Variants in LDLRAD3 observed in about 807,000 individuals in gnomAD.
LDLRAD3 encodes low density lipoprotein receptor class A domain containing 3.
A neutral mutation model predicts 29.4 loss-of-function variants in LDLRAD3; 20 were observed. The observed-to-expected ratio is 0.68, with a 90% CI of 0.48 to 0.99. The LOEUF is 0.99. LDLRAD3 is among the 50% of genes least tolerant of loss of function. The pLI is 0.00. For missense variants in LDLRAD3, 420 were observed against 454.3 expected, an observed-to-expected ratio of 0.92 and a Z score of 0.69; for synonymous variants, 157 against 192.7, an observed-to-expected ratio of 0.81 and a Z score of 1.53.
At chr11:36,073,144 T>C (rs1335277049) in intron 2 of LDLRAD3, among the ~76,000 whole-genome samples, 1 of 152,230 alleles carries the variant, frequency 6.6e-6, no homozygotes, top group African/African-American at 2.4e-5. Flanking sequence ...TAGTCTTTCC[T>C]CCACTCTCAT....
chr11:36,063,160 C>G (rs935629847), intron 2 of LDLRAD3, among the ~76,000 whole-genome samples: 4 of 152,052 alleles, frequency 2.6e-5, no homozygotes, highest in Non-Finnish European at 5.9e-5. Context: ...TTATCCACAC[C>G]CACCCCACTA....
intron 4 of LDLRAD3, among the ~76,000 whole-genome samples, chr11:36,226,267 A>G (rs1855497531): frequency 1.3e-5 from 2 of 152,256 alleles, no homozygotes; most frequent in South Asian, 4.1e-4. Context: ...TCCAAAGGGC[A>G]CACAGCAAGC....
At chr11:35,958,444 T>C (rs763770193) in intron 1 of LDLRAD3, among the ~76,000 whole-genome samples, 14 of 152,164 alleles carry the variant, frequency 9.2e-5, no homozygotes, top group Non-Finnish European at 2.1e-4. Flanking sequence ...GCACTTCATT[T>C]CTTTATTTTC....
At chr11:36,189,945 A>G (rs1385046513) in intron 4 of LDLRAD3, among the ~76,000 whole-genome samples, 3 of 152,102 alleles carry the variant, frequency 2.0e-5, no homozygotes, top group Non-Finnish European at 2.9e-5. Context: ...TCCATGGTGT[A>G]TATGTGCCAC....
intron 1 of LDLRAD3, among the ~76,000 whole-genome samples, chr11:36,007,167 T>C (rs539611540): frequency 2.0e-4 from 31 of 152,336 alleles, no homozygotes; most frequent in African/African-American, 6.7e-4. Flanking sequence ...CTCATAGCTT[T>C]CCAGAAAGCT....
intron 1 of LDLRAD3, among the ~76,000 whole-genome samples, chr11:35,991,867 T>TTGTGTGTGTGTGTGTGTGTGTGTGTGTG (rs33941156): frequency 1.8e-4 from 15 of 82,684 alleles, no homozygotes; most frequent in Non-Finnish European, 2.5e-4. Flanking sequence ...GAATGGTTGT[T>TTGTGTGTGTGTGTGTGTGTGTGTGTGTG]TGTGTGTGTG....
At chr11:36,040,575 C>T (rs1009218600) in intron 2 of LDLRAD3, among the ~76,000 whole-genome samples, 34 of 152,146 alleles carry the variant, frequency 2.2e-4, no homozygotes, top group African/African-American at 8.2e-4. Context: ...TTTATTTACA[C>T]ATAATTTGGC....
At chr11:35,973,358 A>C (rs552636192) in intron 1 of LDLRAD3, among the ~76,000 whole-genome samples, 4 of 152,312 alleles carry the variant, frequency 2.6e-5, no homozygotes, top group African/African-American at 9.6e-5. Context: ...TGTGACAAAC[A>C]ATGTTACATT....
At chr11:36,097,207 C>A (rs1270091273) in intron 3 of LDLRAD3, among the ~76,000 whole-genome samples, 1 of 152,204 alleles carries the variant, frequency 6.6e-6, no homozygotes, top group Non-Finnish European at 1.5e-5. Flanking sequence ...CAACTAGGTT[C>A]ATGGGCTTTT....
intron 4 of LDLRAD3, among the ~76,000 whole-genome samples, chr11:36,151,367 G>T (rs746524510): frequency 2.6e-5 from 4 of 152,158 alleles, no homozygotes; most frequent in Admixed American, 6.5e-5. Flanking sequence ...CATTTACATC[G>T]AATACAGAAG....
intron 1 of LDLRAD3, among the ~76,000 whole-genome samples, chr11:36,010,517 C>G (rs1590203962): frequency 6.6e-6 from 1 of 152,280 alleles, no homozygotes; most frequent in East Asian, 1.9e-4. Context: ...GCCAGGTTAA[C>G]CTACCTGAAG....
intron 4 of LDLRAD3, among the ~76,000 whole-genome samples, 157 bp downstream of exon 4, chr11:36,098,618 C>T (rs540366808): frequency 1.5e-4 from 23 of 152,264 alleles, no homozygotes; most frequent in Non-Finnish European, 3.1e-4. Flanking sequence ...GGTAGGTACC[C>T]GTGTTTACGT....
chr11:36,069,901 G>A (rs910006683), intron 2 of LDLRAD3, among the ~76,000 whole-genome samples: 5 of 152,174 alleles, frequency 3.3e-5, no homozygotes, highest in African/African-American at 1.2e-4. Flanking sequence ...AAAACGGAAT[G>A]AGTAAGGCCT....
rs1337803112 is a variant in LDLRAD3 at position 35,968,930 on chromosome 11, C to G, written c.46+24786C>G. Among the ~76,000 whole-genome samples, 6 of 152,296 alleles carry G rather than the reference C, an allele frequency of 3.9e-5. No homozygotes were observed. In the Middle Eastern group the frequency reaches 0.01, roughly 259 times the overall value. ...CACGTGTGGCCTCATCATTTGGTAA[C>G]TGGCAGATGGGACTCTGTCGTCTAC... On this transcript the variant is annotated intron_variant, in intron 1 of 5. Transcript: ENST00000315571.
intron 4 of LDLRAD3, chr11:36,197,112 C>A (rs183026975): frequency 2.0e-5 from 3 of 152,312 alleles, no homozygotes; most frequent in East Asian, 3.9e-4. Flanking sequence ...AACATTAGGA[C>A]TTGTGTGAAC....
chr11:36,122,848 A>G (rs1185396431), intron 4 of LDLRAD3, among the ~76,000 whole-genome samples: 2 of 152,114 alleles, frequency 1.3e-5, no homozygotes, highest in Non-Finnish European at 2.9e-5. Flanking sequence ...ACGAGATCCT[A>G]TCTCAATTTT....
intron 4 of LDLRAD3, among the ~76,000 whole-genome samples, chr11:36,224,745 T>A (rs1855477017): frequency 6.6e-6 from 1 of 152,196 alleles, no homozygotes. Flanking sequence ...AGGTCCTCAT[T>A]TGTCTCAGAT....
At chr11:36,192,602 A>C (rs1418673609) in intron 4 of LDLRAD3, among the ~76,000 whole-genome samples, 1 of 152,232 alleles carries the variant, frequency 6.6e-6, no homozygotes, top group Non-Finnish European at 1.5e-5. Flanking sequence ...GCAAAGCCAC[A>C]TGCATATATC....
intron 1 of LDLRAD3, among the ~76,000 whole-genome samples, chr11:35,989,460 C>A (rs1007654080): frequency 6.6e-6 from 1 of 152,100 alleles, no homozygotes; most frequent in Non-Finnish European, 1.5e-5. Flanking sequence ...AGATTGCTTT[C>A]GGCAGTATGG....
Sources: gnomAD v4.1 joint callset for allele counts (sites outside exome capture counted in the v4.1 genomes callset) on GRCh38, gnomAD v4.1.1 for gene constraint, MANE v1.5 for transcripts, NCBI Gene and HGNC (gene_info 2026-07-23, HGNC 2026-07-21) for gene names.